Variants in VPS54 observed in about 807,000 individuals in gnomAD.
VPS54 encodes the protein VPS54 subunit of GARP complex, also known as vacuolar protein sorting-associated protein 54.
VPS54 carries 45 observed loss-of-function variants against 121.5 expected under a neutral mutation model. The ratio of observed to expected loss-of-function variants is 0.37; its 90% CI spans 0.29 to 0.47. VPS54 has a LOEUF of 0.47. VPS54 is among the 20% of genes least tolerant of loss of function. VPS54 has a pLI of 0.99. For missense variants in VPS54, 1,090 were observed against 1,131.4 expected (o/e 0.96, Z 0.52); for synonymous variants, 371 against 385.8 (o/e 0.96, Z 0.45).
At chr2:63,909,128 C>T (rs896378496) in intron 20 of VPS54, among the ~76,000 whole-genome samples, 1 of 152,158 alleles carries the variant, frequency 6.6e-6, no homozygotes, top group Non-Finnish European at 1.5e-5. Context: ...GCCTTAAAAG[C>T]TCCAGCACTA....
In VPS54 at chr2:63,983,931, C is replaced by T. The variant is rs201683936; in HGVS notation, c.69G>A (p.Glu23=). Residue 23 remains glutamate, a synonymous_variant, in exon 2 of 23, where the codon GAG becomes GAA. Transcript: ENST00000272322. ...GTCGAATGTGTTTTGACGGATCTAC[C>T]TCTATTTTAAAGAAAACATCACTGC... ...GSSSDVFFKI[E]VDPSKHIRPV... The T allele has an allele frequency of 3.7e-6, 6 of 1,613,852 alleles. No individual in the cohort carries two copies. Among genetic ancestry groups the T allele is most frequent in the South Asian group, 1.1e-5 (1 of 91,010 alleles).
At chr2:63,919,049 G>C (rs758415521) in intron 15 of VPS54, among the ~76,000 whole-genome samples, 1 of 152,014 alleles carries the variant, frequency 6.6e-6, no homozygotes, top group Non-Finnish European at 1.5e-5. Context: ...CATAAAATCT[G>C]AAATAGTTCA....
chr2:63,989,543 G>A lies in VPS54; in HGVS notation c.-20-5524C>T, dbSNP rs115088295. Among the ~76,000 whole-genome samples, 888 of 152,206 alleles carry A rather than the reference G, an allele frequency of 5.8e-3. 9 individuals carry two copies. The highest frequency in any genetic ancestry group is 0.02 in the African/African-American group (820 of 41,516). On this transcript the variant is annotated intron_variant, in intron 1 of 22. Transcript: ENST00000272322. ...TGAAATATCGGGAACTGGTTCCCCC[G>A]ATATCTGGTGCCCAGCATGGTTTTT...
chr2:63,948,887 C>T (rs1675112436), intron 8 of VPS54, 150 bp downstream of exon 8: 2 of 805,204 alleles, frequency 2.5e-6, no homozygotes, highest in Admixed American at 3.4e-5. Context: ...ATGGTGCTTG[C>T]TCAAGTCACA....
Position 64,017,663 on chromosome 2 carries a change from A to T in VPS54, c.-21+1275T>A, listed in dbSNP as rs545090484. The stretch of plus-strand genomic sequence containing the variant: ...TTGGTTGTGATGCATTCTTTATTTT[A>T]AAAACCCATTAAAACATTTTTCATT... On this transcript the variant is annotated intron_variant, in intron 1 of 22. Coordinates refer to ENST00000272322, the MANE Select transcript of VPS54 (RefSeq NM_016516.3). Among the ~76,000 whole-genome samples, 26 of 152,374 alleles carry T rather than the reference A, an allele frequency of 1.7e-4. No homozygotes were observed. In the South Asian group the frequency reaches 5.0e-3, roughly 29 times the overall value.
chr2:63,919,701 G>A (rs1030894109), intron 15 of VPS54, among the ~76,000 whole-genome samples, 182 bp downstream of exon 15: 2 of 151,924 alleles, frequency 1.3e-5, no homozygotes, highest in South Asian at 2.1e-4. Context: ...GTTATAACAC[G>A]CAATAAATAT....
At chr2:63,996,282 CAT>C (rs1677585977) in intron 1 of VPS54, among the ~76,000 whole-genome samples, 1 of 152,282 alleles carries the variant, frequency 6.6e-6, no homozygotes, top group Admixed American at 6.5e-5. Flanking sequence ...AGTCTCTGAA[CAT>C]AAATTGTGAA....
chr2:63,922,460 A>G (rs1050965860), intron 12 of VPS54, among the ~76,000 whole-genome samples: 2 of 152,212 alleles, frequency 1.3e-5, no homozygotes, highest in Admixed American at 6.5e-5. Context: ...CAAAATCATA[A>G]TATCACCAAA....
intron 20 of VPS54, among the ~76,000 whole-genome samples, chr2:63,906,011 C>T (rs1321655440): frequency 1.3e-5 from 2 of 152,046 alleles, no homozygotes; most frequent in African/African-American, 4.8e-5. Context: ...TCTTAGCAAA[C>T]TTGAACAGAA....
At chr2:63,976,350 C>CAAAAAAAAAAA (rs371137546) in intron 3 of VPS54, among the ~76,000 whole-genome samples, 6 of 93,924 alleles carry the variant, frequency 6.4e-5, no homozygotes, top group African/African-American at 1.9e-4. Flanking sequence ...GACCTTGTCT[C>CAAAAAAAAAAA]AAAAAAAAAA....
chr2:63,959,554 T>A (rs564961406), intron 7 of VPS54, among the ~76,000 whole-genome samples: 38 of 152,216 alleles, frequency 2.5e-4, no homozygotes, highest in Non-Finnish European at 2.5e-4. Context: ...TTGAGCAAAA[T>A]GTAGAAAATC....
At chr2:63,953,158 G>C (rs945691037) in intron 7 of VPS54, among the ~76,000 whole-genome samples, 7 of 127,756 alleles carry the variant, frequency 5.5e-5, no homozygotes, top group African/African-American at 2.1e-4. Flanking sequence ...TTTAGACAGA[G>C]TCTCCCTCTG....
intron 6 of VPS54, 27 bp downstream of exon 6, chr2:63,965,808 A>G (rs575185731): frequency 6.2e-7 from 1 of 1,608,222 alleles, no homozygotes; most frequent in African/African-American, 1.3e-5. Flanking sequence ...ATAGTTTCCT[A>G]CATGGAAAAA....
At chr2:63,990,071 C>T (rs1204154025) in intron 1 of VPS54, among the ~76,000 whole-genome samples, 2 of 152,150 alleles carry the variant, frequency 1.3e-5, no homozygotes, top group South Asian at 2.1e-4. Flanking sequence ...TGGTACATGT[C>T]GTCCTAATGA....
intron 1 of VPS54, among the ~76,000 whole-genome samples, chr2:64,005,089 C>CT (rs764515091): frequency 0.059 from 2,611 of 43,946 alleles, 588 homozygotes; most frequent in East Asian, 0.17. Flanking sequence ...ACTATTGCTT[C>CT]TTTTTTTTTT....
intron 17 of VPS54, 69 bp from the exon 18 acceptor site, chr2:63,913,379 T>A: frequency 8.5e-7 from 1 of 1,178,188 alleles, no homozygotes; most frequent in Non-Finnish European, 1.2e-6. Context: ...GGCAATGTGC[T>A]ATTATAAAAA....
intron 2 of VPS54, among the ~76,000 whole-genome samples, chr2:63,983,186 T>C (rs543360648): frequency 1.4e-3 from 217 of 151,978 alleles, no homozygotes; most frequent in Middle Eastern, 3.4e-3. Flanking sequence ...AGTCTCGTTC[T>C]GTCACCCAGG....
intron 1 of VPS54, among the ~76,000 whole-genome samples, chr2:63,984,952 A>G (rs1377517946): frequency 6.6e-6 from 1 of 152,202 alleles, no homozygotes; most frequent in Non-Finnish European, 1.5e-5. Flanking sequence ...ATGAGGTTTA[A>G]CAAGTCTAAA....
intron 11 of VPS54, among the ~76,000 whole-genome samples, chr2:63,940,694 AC>A: frequency 6.6e-6 from 1 of 152,196 alleles, no homozygotes; most frequent in African/African-American, 2.4e-5. Flanking sequence ...AGTTTCCAAG[AC>A]CTATCCATAA....
Sources: gnomAD v4.1 joint callset for allele counts (sites outside exome capture counted in the v4.1 genomes callset) on GRCh38, gnomAD v4.1.1 for gene constraint, MANE v1.5 for transcripts, NCBI Gene and HGNC (gene_info 2026-07-23, HGNC 2026-07-21) for gene names.